GREB1: variants seen among roughly 807,000 people sequenced by gnomAD.
GREB1 encodes protein GREB1.
In GREB1, 106 loss-of-function variants were observed where a neutral mutation model predicts 200.7. The observed-to-expected ratio is 0.53, with a 90% CI of 0.45 to 0.62. The LOEUF is 0.62. Ranked by LOEUF, GREB1 falls within the 20% of genes least tolerant of loss-of-function variation. The pLI, the probability that GREB1 is intolerant of heterozygous loss-of-function variation, is 0.00. For synonymous variants in GREB1, 1,132 were observed against 1,092.4 expected (o/e 1.04, Z -0.72); for missense variants, 2,243 against 2,556.8 (o/e 0.88, Z 2.65).
upstream of GREB1, among the ~76,000 whole-genome samples, chr2:11,533,816 C>G (rs1674165212): frequency 6.6e-6 from 1 of 152,138 alleles, no homozygotes; most frequent in Admixed American, 6.5e-5. Context: ...ATGTTCTCCC[C>G]TAGGAGAAAA....
At chr2:11,610,650 C>T (rs746607491) in intron 17 of GREB1, 38 bp from the exon 18 acceptor site, 17 of 1,496,994 alleles carry the variant, frequency 1.1e-5, no homozygotes, top group South Asian at 2.5e-5. Context: ...CCGGTGGGCG[C>T]GGCCGTCACA....
chr2:11,599,084 C>T, intron 15 of GREB1, among the ~76,000 whole-genome samples: 1 of 152,092 alleles, frequency 6.6e-6, no homozygotes, highest in Non-Finnish European at 1.5e-5. Flanking sequence ...AATTTAAGGG[C>T]TGGAGAAGGG....
intron 1 of GREB1, among the ~76,000 whole-genome samples, chr2:11,535,977 C>CT (rs963215177): frequency 1.3e-5 from 2 of 152,050 alleles, no homozygotes; most frequent in African/African-American, 4.8e-5. Context: ...CAGATACCTT[C>CT]TATTTCCTAG....
chr2:11,614,730 A>AT (rs1412156393), intron 19 of GREB1, among the ~76,000 whole-genome samples: 1 of 151,864 alleles, frequency 6.6e-6, no homozygotes, highest in Non-Finnish European at 1.5e-5. Flanking sequence ...CGCCTGGCTC[A>AT]TTTTTTGTAT....
intron 1 of GREB1, among the ~76,000 whole-genome samples, chr2:11,553,005 G>T (rs374484093): frequency 9.1e-6 from 1 of 109,770 alleles, no homozygotes; most frequent in Non-Finnish European, 1.7e-5. Flanking sequence ...GCGAAACTCC[G>T]TCTCAAAAAA....
At chr2:11,607,266 C>A (rs1017923968) in intron 17 of GREB1, among the ~76,000 whole-genome samples, 5 of 151,682 alleles carry the variant, frequency 3.3e-5, no homozygotes, top group Non-Finnish European at 7.4e-5. Context: ...AAAAATTTTT[C>A]TTGCTATATT....
chr2:11,574,845 G>A (rs2148023142), intron 4 of GREB1, among the ~76,000 whole-genome samples: 1 of 152,324 alleles, frequency 6.6e-6, no homozygotes. Flanking sequence ...CACATGGAGA[G>A]GACAGTATTT....
In GREB1 at chr2:11,492,007, T is replaced by C. The variant is rs948200890; in HGVS notation, c.-159+9626T>C. On this transcript the variant is annotated intron_variant, in intron 1 of 2. Transcript: ENST00000628795. The surrounding 1 kb of genome is among the most constrained non-coding windows in gnomAD (Gnocchi z 4.0). ...TGACTTCTAGTGTCTGCACCCTGACTCGGTGACTAGTTCCCACTTCTTGGG... is the reference window on the plus strand; with the variant it reads ...TGACTTCTAGTGTCTGCACCCTGACCCGGTGACTAGTTCCCACTTCTTGGG... Among the ~76,000 whole-genome samples, 1 of 152,248 alleles carries C rather than the reference T, an allele frequency of 6.6e-6. No individual in the cohort carries two copies. The highest frequency in any genetic ancestry group is 2.4e-5 in the African/African-American group (1 of 41,466).
chr2:11,566,451 A>C lies in GREB1; in HGVS notation c.278-29A>C, dbSNP rs372913504. 21 of 1,568,968 alleles carry C rather than the reference A, an allele frequency of 1.3e-5. No homozygotes were observed. The African/African-American group carries it at 2.9e-4, about 21-fold the overall frequency. On this transcript the variant is annotated intron_variant, in intron 3 of 32. Transcript: ENST00000381486. ...ACCCCGCTTCTGGGAAGCCCTGGGC[A>C]GCGTGTGAACCCTGTCCACCCCTCC...
At chr2:11,601,087 G>A in intron 16 of GREB1, 92 bp downstream of exon 16, 2 of 986,648 alleles carry the variant, frequency 2.0e-6, no homozygotes, top group Non-Finnish European at 3.0e-6. Context: ...CAGTGTGGTT[G>A]AGGATAATGG....
chr2:11,541,798 C>G (rs973142036), intron 1 of GREB1, among the ~76,000 whole-genome samples: 3 of 152,194 alleles, frequency 2.0e-5, no homozygotes, highest in Non-Finnish European at 2.9e-5. Flanking sequence ...CCTCCTACCC[C>G]CTGTCCCTGC....
chr2:11,529,347 G>A (rs1016571270), upstream of GREB1, among the ~76,000 whole-genome samples: 3 of 152,198 alleles, frequency 2.0e-5, no homozygotes, highest in Admixed American at 1.3e-4. Context: ...CCCATAGGAC[G>A]AGATGCTCAA....
chr2:11,517,656 T>A (rs568513078), intron 1 of GREB1, among the ~76,000 whole-genome samples: 265 of 152,256 alleles, frequency 1.7e-3, no homozygotes, highest in African/African-American at 4.9e-3. Flanking sequence ...AAGCATTTTT[T>A]AAATTTTTTT....
intron 11 of GREB1, 22 bp from the exon 12 acceptor site, chr2:11,595,229 G>C (rs946561251): frequency 1.2e-6 from 2 of 1,604,610 alleles, no homozygotes; most frequent in African/African-American, 2.7e-5. Flanking sequence ...AATGGGTACT[G>C]TGAAATCTGT....
At chr2:11,591,324 G>A (rs1037584610) in intron 10 of GREB1, 6 of 721,524 alleles carry the variant, frequency 8.3e-6, no homozygotes, top group East Asian at 2.6e-5. Context: ...GCTCAGGGCC[G>A]CACAGCTGGT....
At chr2:11,564,200 T>G (rs1179079630) in intron 3 of GREB1, among the ~76,000 whole-genome samples, 1 of 152,098 alleles carries the variant, frequency 6.6e-6, no homozygotes, top group Admixed American at 6.5e-5. Context: ...TGAGACGTGG[T>G]GTGAAGGCCC....
At chr2:11,571,018 A>G (rs1678216951) in intron 4 of GREB1, among the ~76,000 whole-genome samples, 1 of 151,938 alleles carries the variant, frequency 6.6e-6, no homozygotes, top group Non-Finnish European at 1.5e-5. Context: ...TTTGGCCAAA[A>G]TACCAAGGCA....
chr2:11,551,731 G>A (rs866351263), intron 1 of GREB1, among the ~76,000 whole-genome samples: 4 of 152,078 alleles, frequency 2.6e-5, no homozygotes, highest in East Asian at 3.9e-4. Context: ...AGGATTCAGC[G>A]CTCCCACCGC....
intron 17 of GREB1, among the ~76,000 whole-genome samples, chr2:11,607,454 GTGTGTGTA>G (rs370847316): frequency 0.074 from 4,294 of 57,816 alleles, 128 homozygotes; most frequent in Middle Eastern, 0.17. Flanking sequence ...GTGTGTGTGT[GTGTGTGTA>G]TATATATATA....
Sources: gnomAD v4.1 joint callset for allele counts (sites outside exome capture counted in the v4.1 genomes callset) on GRCh38, gnomAD v4.1.1 for gene constraint, Gnocchi (gnomAD v3.1) non-coding constraint, MANE v1.5 for transcripts, NCBI Gene and HGNC (gene_info 2026-07-23, HGNC 2026-07-21) for gene names.